The following BANP variants were observed in gnomAD, a reference collection of about 807,000 sequenced individuals.
BANP encodes the protein BTG3 associated nuclear protein.
Under a neutral mutation model 68.1 loss-of-function variants are expected in BANP, and 11 were observed. The observed-to-expected ratio is 0.16, with a 90% CI of 0.10 to 0.27. The LOEUF (loss-of-function observed/expected upper bound fraction) is 0.27. Among genes scored for constraint, BANP ranks in the 10% least tolerant of loss-of-function variants. BANP has a pLI of 1.00. For synonymous variants in BANP, 329 were observed against 303.2 expected (o/e 1.09, Z -0.88); for missense variants, 504 against 722.7 (o/e 0.70, Z 3.47).
chr16:87,967,658 G>T (rs1461551111), intron 1 of BANP, among the ~76,000 whole-genome samples: 4 of 133,752 alleles, frequency 3.0e-5, no homozygotes, highest in Non-Finnish European at 6.2e-5. Context: ...GTCTCACTCT[G>T]TCGCCCAGGC....
At chr16:87,978,498 C>T (rs1466995633) in intron 2 of BANP, 4 of 410,262 alleles carry the variant, frequency 9.7e-6, no homozygotes, top group African/African-American at 8.2e-5. Context: ...GTCCTGAGAA[C>T]CTTTGACTAA....
chr16:87,997,611 G>A (rs2067636167), intron 4 of BANP, among the ~76,000 whole-genome samples: 1 of 152,116 alleles, frequency 6.6e-6, no homozygotes, highest in Non-Finnish European at 1.5e-5. Context: ...CAGGATGGCT[G>A]GGAGTGAGAC....
In BANP at chr16:88,064,196, C is replaced by A. The variant is rs1173437581; in HGVS notation, c.1312-1071C>A. Among the ~76,000 whole-genome samples the A allele has an allele frequency of 7.6e-6, 1 of 131,532 alleles. No individual in the cohort carries two copies. Among genetic ancestry groups the A allele is most frequent in the East Asian group, 2.1e-4 (1 of 4,726 alleles). 86.3% of individuals were successfully genotyped at this position (131,532 alleles called of 152,430 possible). ...CAGGAGGTGTCGGGGGCTTGAGAGG[C>A]GCAGGGGAGCAGGGGGGGAGAGTGG... On this transcript the variant is annotated intron_variant, in intron 11 of 13. Coordinates refer to ENST00000682872, the MANE Select transcript of BANP (RefSeq NM_001386991.1). The surrounding 1 kb of genome is among the most constrained non-coding windows in gnomAD (Gnocchi z 4.5).
rs986717117 is a variant in BANP at position 88,057,690 on chromosome 16, G to A, written c.1312-7577G>A. 9.3e-5 allele frequency among the ~76,000 whole-genome samples: 14 copies of A among 151,154 alleles called. No individual in the cohort carries two copies. Among genetic ancestry groups the A allele is most frequent in the East Asian group, 7.9e-4 (4 of 5,092 alleles). On this transcript the variant is annotated intron_variant, in intron 11 of 13. Coordinates refer to ENST00000682872, the MANE Select transcript of BANP (RefSeq NM_001386991.1). This position sits in a 1 kb window ranked among gnomAD's most constrained non-coding sequence, Gnocchi z 4.6. ...TCTTACATCCCAGAAGGGAAGTTGC[G>A]GCACTGTGCGAGACAGTCTGACTTC...
intron 1 of BANP, among the ~76,000 whole-genome samples, chr16:87,955,897 A>G (rs2144613295): frequency 6.6e-6 from 1 of 152,304 alleles, no homozygotes; most frequent in Admixed American, 6.5e-5. Context: ...AGTCCTGGCC[A>G]GTGCGTCTCA....
intron 6 of BANP, among the ~76,000 whole-genome samples, chr16:88,007,850 A>G (rs1395405945): frequency 6.6e-6 from 1 of 151,230 alleles, no homozygotes; most frequent in African/African-American, 2.5e-5. Flanking sequence ...CGTTGAGTTG[A>G]TCTTTTTTTT....
intron 12 of BANP, among the ~76,000 whole-genome samples, chr16:88,069,687 G>A (rs896640345): frequency 3.3e-5 from 5 of 152,330 alleles, no homozygotes; most frequent in African/African-American, 1.2e-4. Flanking sequence ...CCCAGGGCCA[G>A]CAGCCCCTTT....
At chr16:87,965,463 C>G (rs1156251748) in intron 1 of BANP, among the ~76,000 whole-genome samples, 1 of 151,518 alleles carries the variant, frequency 6.6e-6, no homozygotes, top group Non-Finnish European at 1.5e-5. Flanking sequence ...TGCTGAGGGA[C>G]CAGGGAGGGG....
At chr16:88,030,760 A>C (rs867335229) in intron 8 of BANP, among the ~76,000 whole-genome samples, 4 of 152,168 alleles carry the variant, frequency 2.6e-5, no homozygotes, top group Non-Finnish European at 4.4e-5. Flanking sequence ...TGTGGTTGCA[A>C]GGTGCACTCT....
intron 1 of BANP, among the ~76,000 whole-genome samples, chr16:87,954,148 G>A (rs1321262301): frequency 2.0e-5 from 3 of 152,108 alleles, no homozygotes; most frequent in African/African-American, 7.2e-5. Flanking sequence ...GACGTTCTAG[G>A]TGGAGCCCTG....
At chr16:87,983,262 T>G (rs201545352) in intron 3 of BANP, among the ~76,000 whole-genome samples, 37 of 151,970 alleles carry the variant, frequency 2.4e-4, no homozygotes, top group African/African-American at 8.7e-4. Context: ...TCCCTAGACC[T>G]GAAGGAGTGT....
At chr16:87,972,925 C>T (rs547498210) in intron 1 of BANP, among the ~76,000 whole-genome samples, 3 of 152,116 alleles carry the variant, frequency 2.0e-5, no homozygotes, top group African/African-American at 7.2e-5. Flanking sequence ...TGTGGTTCTC[C>T]TGGTGGATCC....
intron 1 of BANP, among the ~76,000 whole-genome samples, chr16:87,963,929 G>T (rs2059613239): frequency 6.6e-6 from 1 of 152,172 alleles, no homozygotes; most frequent in South Asian, 2.1e-4. Flanking sequence ...TTTTATGGGT[G>T]TCCAATATTT....
intron 12 of BANP, among the ~76,000 whole-genome samples, chr16:88,069,294 ACCTG>A (rs1179316872): frequency 6.6e-6 from 1 of 152,212 alleles, no homozygotes; most frequent in Non-Finnish European, 1.5e-5. Context: ...CAGCTCATTG[ACCTG>A]CCTTTTTCTT....
At chr16:88,016,205 G>A (rs2074515093) in intron 6 of BANP, among the ~76,000 whole-genome samples, 1 of 152,262 alleles carries the variant, frequency 6.6e-6, no homozygotes, top group African/African-American at 2.4e-5. Flanking sequence ...CACAAGCGGG[G>A]ACTATGTCTG....
chr16:88,046,837 C>T (rs1255705199), intron 11 of BANP, among the ~76,000 whole-genome samples: 5 of 152,054 alleles, frequency 3.3e-5, no homozygotes, highest in East Asian at 1.9e-4. Context: ...GAGGCCGAGG[C>T]GGGCAGATCA....
At chr16:87,989,144 G>T (rs748047807) in intron 4 of BANP, among the ~76,000 whole-genome samples, 1 of 152,168 alleles carries the variant, frequency 6.6e-6, no homozygotes, top group African/African-American at 2.4e-5. Flanking sequence ...TGAAGCTAAA[G>T]TTGAATCATT....
intron 11 of BANP, 70 bp downstream of exon 11, chr16:88,038,081 G>A: frequency 2.7e-6 from 4 of 1,505,304 alleles, no homozygotes; most frequent in South Asian, 2.2e-5. Context: ...AGGGGAGGGG[G>A]TGGGACGGTC....
At position 88,071,733 on chromosome 16, in the gene BANP, A is replaced by G. The variant is rs758178237; in HGVS notation, c.1378-336A>G. 4 of 545,288 alleles carry G rather than the reference A, an allele frequency of 7.3e-6. No homozygotes were observed. Among genetic ancestry groups the G allele is most frequent in the Non-Finnish European group, 1.4e-5 (4 of 285,400 alleles). The allele number at this position is 545,288 out of a possible 1,614,324, so 33.8% of individuals were successfully genotyped here. The stretch of plus-strand genomic sequence containing the variant: ...TTCATGGTTGCCACTGGGATTTTCC[A>G]GGAGGCTCTGTGGCATTTGCTGTTG... On this transcript the variant is annotated intron_variant, in intron 12 of 13. Transcript: ENST00000682872. This position sits in a 1 kb window ranked among gnomAD's most constrained non-coding sequence, Gnocchi z 6.5.
Sources: allele counts gnomAD v4.1 joint callset (sites outside exome capture counted in the v4.1 genomes callset), GRCh38; gene constraint gnomAD v4.1.1; non-coding constraint Gnocchi (gnomAD v3.1); transcripts MANE v1.5; gene names NCBI Gene and HGNC (gene_info 2026-07-23, HGNC 2026-07-21).